The following KIF26B variants were observed in gnomAD, a reference collection of about 807,000 sequenced individuals.
KIF26B encodes the protein kinesin family member 26B.
Under a neutral mutation model 151.2 loss-of-function variants are expected in KIF26B, and 63 were observed. The observed-to-expected ratio is 0.42, with a 90% CI of 0.34 to 0.51. The LOEUF (loss-of-function observed/expected upper bound fraction) is 0.51. Ranked by LOEUF, KIF26B falls within the 20% of genes least tolerant of loss-of-function variation. The probability of loss-of-function intolerance (pLI) is 0.07; values close to 1 mark genes in which losing one functional copy is unlikely to be tolerated. For missense variants in KIF26B, 2,813 were observed against 2,913.6 expected (o/e 0.97, Z 0.79); for synonymous variants, 1,357 against 1,262.1 (o/e 1.08, Z -1.59).
chr1:245,607,765 C>T (rs779835666), intron 7 of KIF26B, 21 bp downstream of exon 7: 2 of 1,585,436 alleles, frequency 1.3e-6, no homozygotes, highest in Admixed American at 3.5e-5. Context: ...GTTTCACTTT[C>T]TCATGCGGCT....
chr1:245,613,276 G>T (rs55957740), intron 9 of KIF26B, among the ~76,000 whole-genome samples: 1 of 152,124 alleles, frequency 6.6e-6, no homozygotes, highest in Non-Finnish European at 1.5e-5. Flanking sequence ...GAGATGGTCC[G>T]CAAAGCTGTT....
At chr1:245,182,053 A>C (rs182689613) in intron 2 of KIF26B, among the ~76,000 whole-genome samples, 1 of 152,314 alleles carries the variant, frequency 6.6e-6, no homozygotes, top group African/African-American at 2.4e-5. Context: ...ATCTGAGATC[A>C]TTCTTCTATA....
At chr1:245,403,073 A>ATCCT (rs1170151397) in intron 3 of KIF26B, among the ~76,000 whole-genome samples, 1 of 152,130 alleles carries the variant, frequency 6.6e-6, no homozygotes. Flanking sequence ...GGCTCAAATG[A>ATCCT]TCCTCCTGCC....
intron 10 of KIF26B, among the ~76,000 whole-genome samples, chr1:245,679,757 C>T (rs1301841327): frequency 2.0e-5 from 3 of 152,168 alleles, no homozygotes; most frequent in Non-Finnish European, 4.4e-5. Context: ...GCGTGAGCCA[C>T]GGTGCCCAGC....
intron 5 of KIF26B, among the ~76,000 whole-genome samples, chr1:245,552,043 CAACTGTCAT>C (rs201709930): frequency 1.5e-4 from 18 of 122,734 alleles, no homozygotes; most frequent in Non-Finnish European, 2.9e-4. Flanking sequence ...ACACGGTGCC[CAACTGTCAT>C]AGGTGTCATA....
chr1:245,458,415 A>G (rs35419867), intron 4 of KIF26B, among the ~76,000 whole-genome samples: 34,048 of 152,092 alleles, frequency 0.22, 4,398 homozygotes, highest in East Asian at 0.3. Context: ...CAATGTGTCC[A>G]AGGTCCGCCC....
intron 9 of KIF26B, among the ~76,000 whole-genome samples, chr1:245,632,168 T>C (rs544016858): frequency 6.6e-6 from 1 of 152,294 alleles, no homozygotes; most frequent in South Asian, 2.1e-4. Flanking sequence ...GGAAAACATT[T>C]ATTACTCTAA....
At chr1:245,268,238 GC>G in intron 2 of KIF26B, among the ~76,000 whole-genome samples, 1 of 152,100 alleles carries the variant, frequency 6.6e-6, no homozygotes, top group South Asian at 2.1e-4. Flanking sequence ...GGGAAGCCGG[GC>G]CAGGTGGATC....
chr1:245,296,393 G>A (rs775704471), intron 2 of KIF26B, among the ~76,000 whole-genome samples: 1 of 152,028 alleles, frequency 6.6e-6, no homozygotes, highest in African/African-American at 2.4e-5. Flanking sequence ...AGATTGGAGT[G>A]TGTTCAGAAC....
At chr1:245,688,831 CG>C in intron 12 of KIF26B, 24 bp downstream of exon 12, 1 of 1,544,406 alleles carries the variant, frequency 6.5e-7, no homozygotes, top group Non-Finnish European at 8.8e-7. Flanking sequence ...CGCAGGGACG[CG>C]GGTGAGGAGG....
At chr1:245,590,730 AAACCCTGTCTGTAC>A (rs1350446716) in intron 5 of KIF26B, among the ~76,000 whole-genome samples, 5 of 152,064 alleles carry the variant, frequency 3.3e-5, no homozygotes, top group Admixed American at 3.3e-4. Flanking sequence ...CAACATAGAA[AAACCCTGTCTGTAC>A]AAGAAATTTA....
At chr1:245,554,377 T>G (rs1409962427) in intron 5 of KIF26B, among the ~76,000 whole-genome samples, 1 of 152,194 alleles carries the variant, frequency 6.6e-6, no homozygotes, top group Non-Finnish European at 1.5e-5. Flanking sequence ...TTTTCCCTGC[T>G]TGTCCCTATC....
chr1:245,202,714 C>T (rs1364630528), intron 2 of KIF26B, among the ~76,000 whole-genome samples: 7 of 143,190 alleles, frequency 4.9e-5, no homozygotes, highest in Admixed American at 2.2e-4. Flanking sequence ...GAGCTGAGAT[C>T]GCGCTGCTGC....
chr1:245,177,754 A>T (rs1215591828), intron 2 of KIF26B, among the ~76,000 whole-genome samples: 1 of 151,196 alleles, frequency 6.6e-6, no homozygotes, highest in Non-Finnish European at 1.5e-5. Flanking sequence ...CCTGTTTCTG[A>T]TTAGTAAAAT....
intron 2 of KIF26B, among the ~76,000 whole-genome samples, chr1:245,286,357 C>T (rs1453645182): frequency 6.6e-6 from 1 of 152,038 alleles, no homozygotes; most frequent in Non-Finnish European, 1.5e-5. Flanking sequence ...GCCTGGCCAA[C>T]ATGTCAAAAC....
At chr1:245,510,576 T>TGTCTC (rs1660809604) in intron 4 of KIF26B, among the ~76,000 whole-genome samples, 1 of 134,022 alleles carries the variant, frequency 7.5e-6, no homozygotes, top group African/African-American at 2.9e-5. Flanking sequence ...TTAGCAGAGC[T>TGTCTC]TCTCTCTCTC....
At chr1:245,160,199 A>G (rs1280537723) in intron 2 of KIF26B, among the ~76,000 whole-genome samples, 1 of 152,200 alleles carries the variant, frequency 6.6e-6, no homozygotes, top group African/African-American at 2.4e-5. Flanking sequence ...CAGATTGTAA[A>G]ACACTCAGAT....
At chr1:245,204,341 CTA>C (rs1210870732) in intron 2 of KIF26B, among the ~76,000 whole-genome samples, 1 of 151,916 alleles carries the variant, frequency 6.6e-6, no homozygotes, top group Non-Finnish European at 1.5e-5. Context: ...TCATTTCAAA[CTA>C]TAATGAAATG....
intron 2 of KIF26B, among the ~76,000 whole-genome samples, chr1:245,316,507 C>T (rs1042437388): frequency 1.3e-5 from 2 of 152,046 alleles, no homozygotes; most frequent in East Asian, 1.9e-4. Flanking sequence ...CCTCTTGTCC[C>T]GAAGGTGAAA....
Sources: gnomAD v4.1 joint callset for allele counts (sites outside exome capture counted in the v4.1 genomes callset) on GRCh38, gnomAD v4.1.1 for gene constraint, MANE v1.5 for transcripts, NCBI Gene and HGNC (gene_info 2026-07-23, HGNC 2026-07-21) for gene names.